The following KDM3B variants were observed in gnomAD, a reference collection of about 807,000 sequenced individuals.
KDM3B encodes lysine-specific demethylase 3B.
KDM3B carries 10 observed loss-of-function variants against 170.0 expected under a neutral mutation model. The ratio of observed to expected loss-of-function variants is 0.06; its 90% confidence interval spans 0.04 to 0.10. The LOEUF (loss-of-function observed/expected upper bound fraction) is 0.10, where lower values mean the gene tolerates loss of function less well. Ranked by LOEUF, KDM3B falls within the 10% of genes least tolerant of loss-of-function variation. The probability of loss-of-function intolerance (pLI) is 1.00; values close to 1 mark genes in which losing one functional copy is unlikely to be tolerated. For synonymous variants in KDM3B, 831 were observed against 834.8 expected (o/e 1.00, Z 0.08); for missense variants, 1,394 against 2,195.2 (o/e 0.64, Z 7.29).
intron 1 of KDM3B, among the ~76,000 whole-genome samples, chr5:138,354,286 A>G (rs995598192): frequency 6.6e-6 from 1 of 152,136 alleles, no homozygotes; most frequent in Non-Finnish European, 1.5e-5. Flanking sequence ...CAGTGGGGCA[A>G]ATTTGCAAAA....
intron 7 of KDM3B, among the ~76,000 whole-genome samples, chr5:138,388,168 C>T (rs190792958): frequency 6.6e-6 from 1 of 152,250 alleles, no homozygotes; most frequent in Non-Finnish European, 1.5e-5. Flanking sequence ...GTTTTACATG[C>T]TATAAAAGAG....
intron 9 of KDM3B, among the ~76,000 whole-genome samples, chr5:138,397,423 G>T (rs1055726068): frequency 6.6e-6 from 1 of 152,160 alleles, no homozygotes; most frequent in African/African-American, 2.4e-5. Context: ...TGGCAGGATT[G>T]TTTGAGCCCA....
At chr5:138,373,471 T>A (rs963147430) in intron 2 of KDM3B, among the ~76,000 whole-genome samples, 11 of 152,142 alleles carry the variant, frequency 7.2e-5, no homozygotes, top group African/African-American at 2.7e-4. Context: ...ATTATAAAAT[T>A]TATTTTATTT....
At chr5:138,364,720 G>A (rs957243218) in intron 1 of KDM3B, among the ~76,000 whole-genome samples, 1 of 152,100 alleles carries the variant, frequency 6.6e-6, no homozygotes, top group Middle Eastern at 3.2e-3. Context: ...ATCCTTTGAG[G>A]TCTTTATTGT....
At chr5:138,360,334 C>G (rs1157799981) in intron 1 of KDM3B, among the ~76,000 whole-genome samples, 1 of 152,010 alleles carries the variant, frequency 6.6e-6, no homozygotes, top group African/African-American at 2.4e-5. Flanking sequence ...GGTTAGAGAA[C>G]TTTAAATAAA....
intron 10 of KDM3B, 67 bp downstream of exon 10, chr5:138,398,459 C>T (rs940090242): frequency 7.4e-5 from 104 of 1,413,960 alleles, no homozygotes; most frequent in Non-Finnish European, 9.6e-5. Flanking sequence ...TTTCACTTAA[C>T]GGGAAGATTG....
Position 138,391,060 on chromosome 5 carries a change from C to G in KDM3B, c.1428C>G (p.Leu476=). Residue 476 remains leucine, a synonymous_variant, in exon 8 of 24, where the codon CTC becomes CTG. Coordinates refer to ENST00000314358, the MANE Select transcript of KDM3B (RefSeq NM_016604.4). The surrounding 1 kb of genome is among the most constrained non-coding windows in gnomAD (Gnocchi z 5.0). The part of the protein sequence containing the change: ...ILASSGFGAP[L]PSSSQPLTFG... ...CCTCTTCTGGATTTGGAGCACCTCT[C>G]CCTAGTTCATCGCAACCTTTGACTT... The G allele has an allele frequency of 6.2e-7, 1 of 1,607,512 alleles. No homozygotes were observed. The highest frequency in any genetic ancestry group is 8.5e-7 in the Non-Finnish European group (1 of 1,176,672).
At chr5:138,354,116 C>T (rs1357781182) in intron 1 of KDM3B, among the ~76,000 whole-genome samples, 1 of 152,140 alleles carries the variant, frequency 6.6e-6, no homozygotes, top group African/African-American at 2.4e-5. Flanking sequence ...ATTTTTCTTC[C>T]TATTGATCAA....
chr5:138,418,073 TG>T (rs559884049), intron 13 of KDM3B: 2,909 of 133,904 alleles, frequency 0.022, 53 homozygotes, highest in South Asian at 0.097. Flanking sequence ...GTTTTGGTTT[TG>T]GTTTTTTTTT....
chr5:138,389,905 G>T (rs1018554710), intron 7 of KDM3B, among the ~76,000 whole-genome samples: 9 of 151,674 alleles, frequency 5.9e-5, no homozygotes, highest in Non-Finnish European at 1.3e-4. Context: ...CTGTTGCCAG[G>T]CTGGAGTGCA....
chr5:138,377,616 G>C lies in KDM3B; in HGVS notation c.475-104G>C. 3 of 757,728 alleles carry C rather than the reference G, an allele frequency of 4.0e-6. No homozygotes were observed. In the East Asian group the frequency reaches 8.3e-5, roughly 21 times the overall value. The allele number at this position is 757,728 out of a possible 1,614,324, so 46.9% of individuals were successfully genotyped here. ...ACTAAGGTTCTATAGATATTGTTTG[G>C]CAAATGTTGATATACAGCTCCTTAG... On this transcript the variant is annotated intron_variant, in intron 3 of 23. Coordinates refer to ENST00000314358, the MANE Select transcript of KDM3B (RefSeq NM_016604.4).
chr5:138,358,997 T>C (rs1761529163), intron 1 of KDM3B, among the ~76,000 whole-genome samples: 1 of 138,508 alleles, frequency 7.2e-6, no homozygotes, highest in African/African-American at 2.7e-5. Context: ...CCTGTGTCCA[T>C]GTGTTCTCAT....
At chr5:138,430,023 A>G (rs1433028809) in intron 21 of KDM3B, 58 bp downstream of exon 21, 1 of 1,599,344 alleles carries the variant, frequency 6.3e-7, no homozygotes, top group Non-Finnish European at 8.5e-7. Flanking sequence ...CGTTGCTGAG[A>G]CACCCTATCT....
At chr5:138,399,179 C>T (rs554658849) in intron 10 of KDM3B, among the ~76,000 whole-genome samples, 30 of 151,782 alleles carry the variant, frequency 2.0e-4, no homozygotes, top group African/African-American at 6.0e-4. Context: ...TGAGCCACCG[C>T]GCCCGGCCCT....
chr5:138,366,778 A>T (rs562897595), intron 1 of KDM3B, among the ~76,000 whole-genome samples: 5 of 152,350 alleles, frequency 3.3e-5, no homozygotes, highest in Admixed American at 2.6e-4. Flanking sequence ...AGACCAAAAG[A>T]TATAGTGGGC....
intron 1 of KDM3B, among the ~76,000 whole-genome samples, chr5:138,363,308 C>T (rs529207882): frequency 2.6e-5 from 4 of 152,238 alleles, no homozygotes; most frequent in East Asian, 3.9e-4. Context: ...TCCGTGGCCC[C>T]GTTGTCTTTA....
intron 9 of KDM3B, among the ~76,000 whole-genome samples, chr5:138,395,677 C>T (rs1447932870): frequency 1.3e-5 from 2 of 151,936 alleles, no homozygotes; most frequent in Non-Finnish European, 2.9e-5. Context: ...AGTGCAATGG[C>T]GTGGTCTTGG....
intron 2 of KDM3B, 34 bp from the exon 3 acceptor site, chr5:138,375,059 G>A (rs1761963011): frequency 1.7e-6 from 2 of 1,165,536 alleles, no homozygotes; most frequent in East Asian, 2.3e-5. Context: ...TTATTCCCAA[G>A]TTCTAATCAA....
intron 6 of KDM3B, among the ~76,000 whole-genome samples, chr5:138,382,692 G>C (rs1427095693): frequency 1.1e-4 from 17 of 151,766 alleles, no homozygotes; most frequent in Admixed American, 1.1e-3. Context: ...TTTTGAGGCA[G>C]GGTCTCGCTA....
Sources: gnomAD v4.1 joint callset for allele counts (sites outside exome capture counted in the v4.1 genomes callset) on GRCh38, gnomAD v4.1.1 for gene constraint, Gnocchi (gnomAD v3.1) non-coding constraint, MANE v1.5 for transcripts, NCBI Gene and HGNC (gene_info 2026-07-23, HGNC 2026-07-21) for gene names.